CHRNA7: variants seen among roughly 807,000 people sequenced by gnomAD.
The protein encoded by CHRNA7 is cholinergic receptor nicotinic alpha 7 subunit.
In CHRNA7, 17 loss-of-function variants were observed where a neutral mutation model predicts 48.0. That is an observed-to-expected ratio of 0.35 (90% CI 0.24 to 0.53). The LOEUF (loss-of-function observed/expected upper bound fraction) is 0.53. Among genes scored for constraint, CHRNA7 ranks in the 20% least tolerant of loss-of-function variants. CHRNA7 has a pLI of 0.92. For missense variants in CHRNA7, 155 were observed against 577.7 expected (o/e 0.27, Z 7.50); for synonymous variants, 75 against 242.3 (o/e 0.31, Z 6.41).
intron 3 of CHRNA7, among the ~76,000 whole-genome samples, chr15:32,104,892 A>T (rs1409132807): frequency 6.6e-6 from 1 of 152,186 alleles, no homozygotes; most frequent in South Asian, 2.1e-4. Flanking sequence ...TACAGAGAGA[A>T]ATGCATGTTA....
At position 32,149,379 on chromosome 15, in the gene CHRNA7, G is replaced by A. The variant is rs559407312; in HGVS notation, c.351-4528G>A. Among the ~76,000 whole-genome samples, 18 of 152,210 alleles carry A rather than the reference G, an allele frequency of 1.2e-4. No individual in the cohort carries two copies. The highest frequency in any genetic ancestry group is 2.6e-4 in the Admixed American group (4 of 15,304). On this transcript the variant is annotated intron_variant, in intron 4 of 9. Coordinates refer to ENST00000306901, the MANE Select transcript of CHRNA7 (RefSeq NM_000746.6). The surrounding 1 kb of genome is among the most constrained non-coding windows in gnomAD (Gnocchi z 4.6). ...TGTCGGGCATCCCCGGGGAAGCTGC[G>A]CCGGTGCTGTGGCCACTGAGGTCCT...
rs1901808972 is a variant in CHRNA7, at chr15:32,031,032, G to C, written c.190G>C (p.Asp64His). ...YFSLSLLQIM[D>H]VDEKNQVLTT... ...CTCCCTGAGCCTCCTGCAGATCATGGACGTGGTGAGTCCCGCCTGGCTACA... is the reference window on the plus strand; with the variant it reads ...CTCCCTGAGCCTCCTGCAGATCATGCACGTGGTGAGTCCCGCCTGGCTACA... Residue 64 changes from aspartate (D) to histidine (H), a missense_variant, in exon 2 of 10, where the codon GAC becomes CAC. By Grantham distance (81) the Asp-to-His change is moderately conservative. Coordinates refer to ENST00000306901, the MANE Select transcript of CHRNA7 (RefSeq NM_000746.6). The C allele has an allele frequency of 6.2e-7, 1 of 1,614,178 alleles. No individual in the cohort carries two copies. The highest frequency in any genetic ancestry group is 8.5e-7 in the Non-Finnish European group (1 of 1,180,012).
At chr15:32,141,182 C>T (rs1374834126) in intron 4 of CHRNA7, among the ~76,000 whole-genome samples, 2 of 152,164 alleles carry the variant, frequency 1.3e-5, no homozygotes, top group Non-Finnish European at 2.9e-5. Context: ...ACAGGAAATC[C>T]TTTCCCCATT....
At chr15:32,143,994 A>G (rs893957141) in intron 4 of CHRNA7, among the ~76,000 whole-genome samples, 2 of 152,100 alleles carry the variant, frequency 1.3e-5, no homozygotes, top group African/African-American at 4.8e-5. Flanking sequence ...CTGTTAATTG[A>G]TGTGGTTTCT....
At chr15:32,117,160 G>A (rs960979086) in intron 4 of CHRNA7, among the ~76,000 whole-genome samples, 9 of 152,190 alleles carry the variant, frequency 5.9e-5, no homozygotes, top group Admixed American at 1.3e-4. Flanking sequence ...CAGGCAAGCC[G>A]TTGGAGTGAG....
intron 4 of CHRNA7, among the ~76,000 whole-genome samples, chr15:32,119,809 A>T (rs2050935883): frequency 6.6e-6 from 1 of 152,156 alleles, no homozygotes; most frequent in African/African-American, 2.4e-5. Flanking sequence ...AGAGGAAGGG[A>T]GGAAGGGCAA....
intron 2 of CHRNA7, among the ~76,000 whole-genome samples, chr15:32,052,428 G>A (rs2049706373): frequency 6.6e-6 from 1 of 152,146 alleles, no homozygotes; most frequent in South Asian, 2.1e-4. Context: ...GTTGGTTAAA[G>A]GGAGTAAGTT....
chr15:32,132,281 G>A lies in CHRNA7; in HGVS notation c.350+20382G>A, dbSNP rs762975010. Among the ~76,000 whole-genome samples, 8 of 152,020 alleles carry A rather than the reference G, an allele frequency of 5.3e-5. 1 individual carries two copies. Among genetic ancestry groups the A allele is most frequent in the Non-Finnish European group, 1.2e-4 (8 of 68,022 alleles). The stretch of plus-strand genomic sequence containing the variant: ...CTGTACCTGTTGGGGTTTTTTTGGT[G>A]CATTCTTCTCCAGAACCCAGTTTGG... On this transcript the variant is annotated intron_variant, in intron 4 of 9. Coordinates refer to ENST00000306901, the MANE Select transcript of CHRNA7 (RefSeq NM_000746.6).
intron 2 of CHRNA7, among the ~76,000 whole-genome samples, chr15:32,084,024 A>T (rs1595427903): frequency 6.6e-6 from 1 of 152,318 alleles, no homozygotes; most frequent in East Asian, 1.9e-4. Context: ...GGAGAGGTAT[A>T]GTTTTCCTTG....
intron 4 of CHRNA7, among the ~76,000 whole-genome samples, chr15:32,123,981 A>G (rs1365773031): frequency 6.6e-6 from 1 of 151,418 alleles, no homozygotes; most frequent in Non-Finnish European, 1.5e-5. Flanking sequence ...AAAAAAAAAA[A>G]ACAGCCTACA....
intron 4 of CHRNA7, among the ~76,000 whole-genome samples, chr15:32,118,368 C>T (rs2050909193): frequency 6.6e-6 from 1 of 152,180 alleles, no homozygotes; most frequent in Admixed American, 6.5e-5. Flanking sequence ...GTAGTAGTTC[C>T]AGGTGAGCAG....
chr15:32,085,093 T>TGCTGGG (rs1416349069), intron 2 of CHRNA7, among the ~76,000 whole-genome samples: 1 of 152,122 alleles, frequency 6.6e-6, no homozygotes, highest in Non-Finnish European at 1.5e-5. Flanking sequence ...CCTCCCAAAG[T>TGCTGGG]GCTGGGATTA....
At chr15:32,085,732 T>C (rs751998094) in intron 2 of CHRNA7, among the ~76,000 whole-genome samples, 3 of 152,266 alleles carry the variant, frequency 2.0e-5, no homozygotes, top group Non-Finnish European at 2.9e-5. Context: ...TGAAGTAGTG[T>C]CAGTAATGAC....
intron 2 of CHRNA7, among the ~76,000 whole-genome samples, chr15:32,076,781 T>C (rs923121395): frequency 2.6e-5 from 4 of 152,156 alleles, no homozygotes; most frequent in Non-Finnish European, 4.4e-5. Context: ...GACACATCAT[T>C]GTCACCCAAA....
intron 2 of CHRNA7, chr15:32,099,932 C>G (rs1173648514): frequency 6.6e-6 from 1 of 152,158 alleles, no homozygotes; most frequent in African/African-American, 2.4e-5. Flanking sequence ...TGGACATTGC[C>G]TCTGGCCTGG....
chr15:32,094,023 A>G (rs978067269), intron 2 of CHRNA7, among the ~76,000 whole-genome samples: 2 of 152,192 alleles, frequency 1.3e-5, no homozygotes, highest in African/African-American at 4.8e-5. Flanking sequence ...CTCCAATCTC[A>G]GGATCTTCGG....
chr15:32,048,369 A>C (rs1212942861), intron 2 of CHRNA7, among the ~76,000 whole-genome samples: 3 of 152,136 alleles, frequency 2.0e-5, no homozygotes, highest in Non-Finnish European at 4.4e-5. Context: ...GTCTATTCAG[A>C]GATTCAACTT....
intron 4 of CHRNA7, among the ~76,000 whole-genome samples, chr15:32,148,520 G>T (rs1234233073): frequency 2.0e-5 from 3 of 152,170 alleles, no homozygotes; most frequent in Admixed American, 6.5e-5. Context: ...CAGCAGCTCT[G>T]CAGGAATGAG....
intron 4 of CHRNA7, among the ~76,000 whole-genome samples, chr15:32,129,253 A>G (rs1295370430): frequency 1.3e-5 from 2 of 151,726 alleles, no homozygotes; most frequent in African/African-American, 4.8e-5. Flanking sequence ...GTCTTTGTCT[A>G]GTTTTGGTTA....
Sources: gnomAD v4.1 joint callset for allele counts (sites outside exome capture counted in the v4.1 genomes callset) on GRCh38, gnomAD v4.1.1 for gene constraint, Gnocchi (gnomAD v3.1) non-coding constraint, MANE v1.5 for transcripts, NCBI Gene and HGNC (gene_info 2026-07-23, HGNC 2026-07-21) for gene names.